Variants in PAH observed in about 807,000 individuals in gnomAD.
The protein encoded by PAH is phenylalanine-4-hydroxylase.
Under a neutral mutation model 62.0 loss-of-function variants are expected in PAH, and 64 were observed. The ratio of observed to expected loss-of-function variants is 1.03; its 90% CI spans 0.84 to 1.27. The LOEUF (loss-of-function observed/expected upper bound fraction) is 1.27, where lower values mean the gene tolerates loss of function less well. Among genes scored for constraint, PAH ranks in the 50% most tolerant of loss-of-function variants. PAH has a pLI of 0.00. For missense variants in PAH, 579 were observed against 542.8 expected (o/e 1.07, Z -0.66); for synonymous variants, 195 against 196.2 (o/e 0.99, Z 0.05).
upstream of PAH, chr12:102,950,951 TG>T (rs1412912258): frequency 1.9e-5 from 1 of 52,118 alleles, no homozygotes; most frequent in Non-Finnish European, 4.0e-5. Flanking sequence ...AAACGGATAG[TG>T]TGTGTGTTGT....
chr12:102,890,698 A>C (rs1877239712), intron 3 of PAH, among the ~76,000 whole-genome samples: 2 of 152,228 alleles, frequency 1.3e-5, no homozygotes, highest in Non-Finnish European at 2.9e-5. Flanking sequence ...TTGAGCAAGA[A>C]AGCGAGAAGC....
chr12:102,884,493 AC>A (rs1385336658), intron 3 of PAH, among the ~76,000 whole-genome samples: 1 of 152,114 alleles, frequency 6.6e-6, no homozygotes, highest in African/African-American at 2.4e-5. Flanking sequence ...CATCTTTCCC[AC>A]CCACACAACA....
intron 9 of PAH, among the ~76,000 whole-genome samples, chr12:102,846,225 A>C (rs1874836078): frequency 6.6e-6 from 1 of 152,190 alleles, no homozygotes; most frequent in Non-Finnish European, 1.5e-5. Flanking sequence ...CTTTTGATGG[A>C]ACGAGTTCAT....
chr12:102,854,899 C>T (rs928660009), intron 6 of PAH: 76 of 587,080 alleles, frequency 1.3e-4, no homozygotes, highest in African/African-American at 3.2e-4. Flanking sequence ...GACAGGTACA[C>T]GGCAAAATCC....
intron 1 of PAH, among the ~76,000 whole-genome samples, chr12:102,930,736 T>C (rs1280578278): frequency 6.6e-6 from 1 of 152,212 alleles, no homozygotes; most frequent in Non-Finnish European, 1.5e-5. Flanking sequence ...CAAAACAGAA[T>C]TTCTCTCCTT....
intron 2 of PAH, among the ~76,000 whole-genome samples, chr12:102,899,597 C>T (rs1025810299): frequency 6.6e-6 from 1 of 151,888 alleles, no homozygotes; most frequent in Non-Finnish European, 1.5e-5. Flanking sequence ...CGGTGGCTCA[C>T]GCCTGTAATC....
intron 2 of PAH, among the ~76,000 whole-genome samples, chr12:102,895,572 C>T (rs868157930): frequency 1.6e-4 from 24 of 152,022 alleles, no homozygotes; most frequent in Admixed American, 4.6e-4. Context: ...ATAGGCCTGG[C>T]GCTGTGGCTC....
chr12:102,847,137 G>T lies in PAH; in HGVS notation c.913-186C>A, dbSNP rs996178935. On this transcript the variant is annotated intron_variant, in intron 8 of 12. Transcript: ENST00000553106. ...AGAATCACAGATCTCCAGGGTAGGGGGATCCTTCCACCCTCACTTGGCCCT... is the reference window on the plus strand; with the variant it reads ...AGAATCACAGATCTCCAGGGTAGGGTGATCCTTCCACCCTCACTTGGCCCT... The T allele has an allele frequency of 7.9e-6, 5 of 632,274 alleles. No individual in the cohort carries two copies. The African/African-American group carries it at 9.1e-5, about 11-fold the overall frequency. 39.2% of individuals were successfully genotyped at this position (632,274 alleles called of 1,614,324 possible). A position where few individuals can be genotyped will look rare whatever the true frequency, so the allele number is the denominator to read the frequency against.
At chr12:102,929,877 T>C (rs543285401) in intron 1 of PAH, among the ~76,000 whole-genome samples, 1 of 152,296 alleles carries the variant, frequency 6.6e-6, no homozygotes, top group African/African-American at 2.4e-5. Context: ...AATGCCATTC[T>C]CAGAGATAGC....
intron 1 of PAH, among the ~76,000 whole-genome samples, chr12:102,926,950 A>T (rs980903118): frequency 2.7e-5 from 4 of 148,140 alleles, no homozygotes; most frequent in African/African-American, 5.0e-5. Context: ...ATAATTAGCA[A>T]GCACTGTTTG....
chr12:102,881,531 A>G (rs1876812667), intron 3 of PAH, among the ~76,000 whole-genome samples: 1 of 152,154 alleles, frequency 6.6e-6, no homozygotes, highest in South Asian at 2.1e-4. Context: ...TGTGATTAAC[A>G]ATAGTCACCA....
At chr12:102,911,499 T>C (rs1300899677) in intron 2 of PAH, among the ~76,000 whole-genome samples, 1 of 152,178 alleles carries the variant, frequency 6.6e-6, no homozygotes, top group African/African-American at 2.4e-5. Context: ...TAAGCATCAG[T>C]TTCTATCTCT....
At position 102,852,831 on chromosome 12, in the gene PAH, T is replaced by A. The variant is rs62516149; in HGVS notation, c.826A>T (p.Met276Leu). Residue 276 changes from methionine (M) to leucine (L), a missense_variant, in exon 7 of 13, where the codon ATG (methionine) becomes TTG (leucine). By Grantham distance (15) the Met-to-Leu change is conservative. Transcript: ENST00000553106. ...TQYIRHGSKP[M>L]YTPEPDICHE... ...AGTACTCACGGTTCGGGGGTATACA[T>A]GGGCTTGGATCCATGTCTGATGTAC... 4.3e-5 allele frequency: 69 copies of A among 1,613,956 alleles called. No individual in the cohort carries two copies. The highest frequency in any genetic ancestry group is 5.1e-5 in the Non-Finnish European group (60 of 1,179,986).
intron 1 of PAH, chr12:102,916,550 C>T (rs1253452512): frequency 1.2e-5 from 2 of 166,372 alleles, no homozygotes; most frequent in African/African-American, 4.8e-5. Flanking sequence ...TTAGTTTCTG[C>T]CTCCCCTGGT....
intron 4 of PAH, among the ~76,000 whole-genome samples, chr12:102,870,619 C>T (rs185022214): frequency 1.3e-5 from 2 of 152,280 alleles, no homozygotes; most frequent in East Asian, 1.9e-4. Flanking sequence ...CCACAAGGGG[C>T]TTTTAAACCA....
chr12:102,912,170 A>C (rs929364334), intron 2 of PAH, among the ~76,000 whole-genome samples: 9 of 152,258 alleles, frequency 5.9e-5, no homozygotes, highest in Admixed American at 4.6e-4. Flanking sequence ...TAAAAGTCCT[A>C]TAATAAAGAA....
intron 1 of PAH, among the ~76,000 whole-genome samples, chr12:102,937,778 G>T (rs1355912672): frequency 6.6e-6 from 1 of 152,050 alleles, no homozygotes; most frequent in Non-Finnish European, 1.5e-5. Flanking sequence ...TTCACCTTCA[G>T]ATTATTTCTT....
chr12:102,932,956 C>G (rs1340809937), intron 1 of PAH, among the ~76,000 whole-genome samples: 1 of 152,202 alleles, frequency 6.6e-6, no homozygotes, highest in Non-Finnish European at 1.5e-5. Context: ...GTACCTCAAG[C>G]ATTTATTCTT....
At chr12:102,932,153 C>T (rs1307881735) in intron 1 of PAH, among the ~76,000 whole-genome samples, 2 of 152,214 alleles carry the variant, frequency 1.3e-5, no homozygotes, top group East Asian at 1.9e-4. Flanking sequence ...CCATCCCAAC[C>T]AAACCATTTG....
Sources: allele counts gnomAD v4.1 joint callset (sites outside exome capture counted in the v4.1 genomes callset), GRCh38; gene constraint gnomAD v4.1.1; transcripts MANE v1.5; gene names NCBI Gene and HGNC (gene_info 2026-07-23, HGNC 2026-07-21).